RASSF8: variants seen among roughly 807,000 people sequenced by gnomAD.
RASSF8 encodes the protein ras association domain-containing protein 8.
RASSF8 carries 22 observed loss-of-function variants against 48.5 expected under a neutral mutation model. The ratio of observed to expected loss-of-function variants is 0.45; its 90% CI spans 0.32 to 0.65. The LOEUF (loss-of-function observed/expected upper bound fraction) is 0.65. Ranked by LOEUF, RASSF8 falls within the 30% of genes least tolerant of loss-of-function variation. The probability of loss-of-function intolerance (pLI) is 0.03; values close to 1 mark genes in which losing one functional copy is unlikely to be tolerated. For synonymous variants in RASSF8, 127 were observed against 171.5 expected, an observed-to-expected ratio of 0.74 and a Z score of 2.03; for missense variants, 418 against 489.2, an observed-to-expected ratio of 0.85 and a Z score of 1.37.
chr12:26,033,284 T>C lies in RASSF8; in HGVS notation c.-108-21952T>C, dbSNP rs559289744. ...CCTTTGAGCAAAAGAATTTGGTATT[T>C]TCTCATGTATGTATTGAAGCACTAA... On this transcript the variant is annotated intron_variant, in intron 2 of 5. Transcript: ENST00000689635. Among the ~76,000 whole-genome samples, 16 of 152,316 alleles carry C rather than the reference T, an allele frequency of 1.1e-4. No homozygotes were observed. In the Middle Eastern group the frequency reaches 0.01, roughly 97 times the overall value.
At chr12:25,966,308 A>G (rs1290555119) in intron 1 of RASSF8, among the ~76,000 whole-genome samples, 2 of 152,188 alleles carry the variant, frequency 1.3e-5, no homozygotes, top group Admixed American at 6.5e-5. Flanking sequence ...GCTGGAGTAC[A>G]GTAGTACAGT....
At chr12:25,965,949 A>C (rs1941350519) in intron 1 of RASSF8, among the ~76,000 whole-genome samples, 1 of 152,178 alleles carries the variant, frequency 6.6e-6, no homozygotes, top group African/African-American at 2.4e-5. Context: ...TGAACATTAG[A>C]TTTGTTGCTA....
At chr12:26,056,967 C>T (rs1363527527) in intron 3 of RASSF8, among the ~76,000 whole-genome samples, 2 of 150,410 alleles carry the variant, frequency 1.3e-5, no homozygotes, top group Non-Finnish European at 3.0e-5. Flanking sequence ...TATTAATTGT[C>T]AAACCTGGCT....
intron 1 of RASSF8, among the ~76,000 whole-genome samples, chr12:25,967,533 C>A (rs1428301938): frequency 6.6e-6 from 1 of 151,902 alleles, no homozygotes; most frequent in African/African-American, 2.4e-5. Context: ...GGAAAGAGTG[C>A]CCACTTAAGT....
intron 3 of RASSF8, among the ~76,000 whole-genome samples, chr12:26,063,925 G>A (rs977355545): frequency 6.6e-6 from 1 of 152,086 alleles, no homozygotes; most frequent in Non-Finnish European, 1.5e-5. Flanking sequence ...GGAGCACTCA[G>A]GTGGAGATGG....
intron 3 of RASSF8, among the ~76,000 whole-genome samples, chr12:26,062,552 A>T (rs1438892818): frequency 6.6e-6 from 1 of 152,232 alleles, no homozygotes. Flanking sequence ...TTAATTGTTC[A>T]GATCATGTAG....
At chr12:26,033,393 C>T (rs1943068497) in intron 2 of RASSF8, among the ~76,000 whole-genome samples, 1 of 152,148 alleles carries the variant, frequency 6.6e-6, no homozygotes, top group South Asian at 2.1e-4. Flanking sequence ...TATAAAATGA[C>T]AAGAATAATG....
chr12:26,010,124 A>G (rs1175385496), intron 2 of RASSF8, among the ~76,000 whole-genome samples: 1 of 152,218 alleles, frequency 6.6e-6, no homozygotes, highest in African/African-American at 2.4e-5. Context: ...TGGCTAACCA[A>G]TGCCTAATCC....
At chr12:26,028,204 C>T (rs1265563572) in intron 2 of RASSF8, among the ~76,000 whole-genome samples, 1 of 151,924 alleles carries the variant, frequency 6.6e-6, no homozygotes, top group Non-Finnish European at 1.5e-5. Flanking sequence ...ATTTTCTTTC[C>T]CTGTACTCTT....
At chr12:26,064,405 C>G (rs955973896) in intron 3 of RASSF8, 93 bp from the exon 4 acceptor site, 65 of 1,280,572 alleles carry the variant, frequency 5.1e-5, no homozygotes, top group Non-Finnish European at 3.2e-6. Context: ...TGATGCTAAT[C>G]GAAAATACAC....
At chr12:25,986,922 T>TG (rs1555160462) in intron 1 of RASSF8, among the ~76,000 whole-genome samples, 2 of 28,726 alleles carry the variant, frequency 7.0e-5, no homozygotes, top group South Asian at 2.2e-3. Context: ...CTACCGTTTT[T>TG]TTTTTTTGTT....
At position 26,070,909 on chromosome 12, in the gene RASSF8, A is replaced by C; in HGVS notation, c.*2091A>C. On this transcript the variant is annotated 3_prime_UTR_variant, in exon 6 of 6. Transcript: ENST00000689635. ...TCATTATAAATTGTTATCAGAATTA[A>C]CCTAATAACTTTAAGTAAGGACAAG... is the stretch of plus-strand genomic sequence containing the variant. The C allele has an allele frequency of 2.0e-6, 2 of 984,878 alleles. No individual in the cohort carries two copies. The highest frequency in any genetic ancestry group is 2.4e-6 in the Non-Finnish European group (2 of 829,426). The allele number at this position is 984,878 out of a possible 1,614,324, so 61.0% of individuals were successfully genotyped here.
At chr12:26,022,939 G>A (rs1302410322) in intron 2 of RASSF8, among the ~76,000 whole-genome samples, 1 of 152,094 alleles carries the variant, frequency 6.6e-6, no homozygotes, top group East Asian at 1.9e-4. Context: ...TAGAGACGGG[G>A]TTTTTCCATG....
In RASSF8 at chr12:26,067,651, A is replaced by C. The variant is rs757057125; in HGVS notation, c.1076A>C (p.Lys359Thr). The C allele has an allele frequency of 3.1e-6, 5 of 1,614,070 alleles. No individual in the cohort carries two copies. Among genetic ancestry groups the C allele is most frequent in the Non-Finnish European group, 3.4e-6 (4 of 1,180,020 alleles). ...LQQFIQQTGT[K>T]VTVLPAEPIE... Reference sequence around the variant, plus strand: ...CAGTTCATCCAGCAGACAGGGACAAAAGTTACCGTTTTGCCAGCGGAGCCC... The same window carrying C: ...CAGTTCATCCAGCAGACAGGGACAACAGTTACCGTTTTGCCAGCGGAGCCC... The change falls in exon 5 of 6, where the codon AAA (lysine) becomes ACA (threonine). Residue 359 changes from lysine (K) to threonine (T), a missense_variant. Lys to Thr is a moderately conservative substitution (Grantham distance 78). Transcript: ENST00000689635.
chr12:26,065,488 T>G, intron 4 of RASSF8, 101 bp downstream of exon 4: 3 of 1,413,986 alleles, frequency 2.1e-6, no homozygotes, highest in Non-Finnish European at 2.9e-6. Flanking sequence ...ATTCAAAGAA[T>G]TAGAAACCCA....
At position 26,071,227 on chromosome 12, in the gene RASSF8, AG is replaced by A; in HGVS notation, c.*2410del. 1 of 981,536 alleles carries A rather than the reference AG, an allele frequency of 1.0e-6. No homozygotes were observed. Among genetic ancestry groups the A allele is most frequent in the South Asian group, 4.7e-5 (1 of 21,210 alleles). 60.8% of individuals were successfully genotyped at this position (981,536 alleles called of 1,614,324 possible). On this transcript the variant is annotated 3_prime_UTR_variant, in exon 6 of 6. Coordinates refer to ENST00000689635, the MANE Select transcript of RASSF8 (RefSeq NM_001394098.1). ...TCATAGGATCATCTGAAGATACTTT[AG>A]TATATTTGTGATCATTTTTATCTAT...
chr12:25,989,000 G>C (rs1235265160), intron 1 of RASSF8, among the ~76,000 whole-genome samples: 1 of 152,172 alleles, frequency 6.6e-6, no homozygotes, highest in Non-Finnish European at 1.5e-5. Context: ...TCTCTGAGGG[G>C]TATGCCTATC....
chr12:25,972,437 C>T (rs1361733739), intron 1 of RASSF8, among the ~76,000 whole-genome samples: 1 of 151,966 alleles, frequency 6.6e-6, no homozygotes, highest in Non-Finnish European at 1.5e-5. Flanking sequence ...AGAGTAAGGG[C>T]ATTTACTCCA....
chr12:25,975,187 A>G (rs1230844438), intron 1 of RASSF8, among the ~76,000 whole-genome samples: 2 of 152,186 alleles, frequency 1.3e-5, no homozygotes. Flanking sequence ...CACTCCATAC[A>G]AACAGGACAA....
Sources: allele counts gnomAD v4.1 joint callset (sites outside exome capture counted in the v4.1 genomes callset), GRCh38; gene constraint gnomAD v4.1.1; transcripts MANE v1.5; gene names NCBI Gene and HGNC (gene_info 2026-07-23, HGNC 2026-07-21).